Variants in RALYL observed in about 807,000 individuals in gnomAD.
The protein encoded by RALYL is RNA-binding Raly-like protein.
A neutral mutation model predicts 35.1 loss-of-function variants in RALYL; 29 were observed. The observed-to-expected ratio is 0.83, with a 90% CI of 0.61 to 1.13. The LOEUF is 1.13. Among genes scored for constraint, RALYL ranks in the 50% most tolerant of loss-of-function variants. The probability of loss-of-function intolerance (pLI) is 0.00; values close to 1 mark genes in which losing one functional copy is unlikely to be tolerated. For missense variants in RALYL, 359 were observed against 360.4 expected, an observed-to-expected ratio of 1.00 and a Z score of 0.03; for synonymous variants, 120 against 127.6, an observed-to-expected ratio of 0.94 and a Z score of 0.40.
At chr8:84,221,676 G>A (rs1246718760) in intron 1 of RALYL, among the ~76,000 whole-genome samples, 1 of 152,016 alleles carries the variant, frequency 6.6e-6, no homozygotes, top group Admixed American at 6.6e-5. Flanking sequence ...TAGATACTAG[G>A]AGTCCACGTG....
chr8:84,789,811 A>AATC (rs1428416457), intron 3 of RALYL, among the ~76,000 whole-genome samples: 1 of 152,184 alleles, frequency 6.6e-6, no homozygotes, highest in Non-Finnish European at 1.5e-5. Context: ...CATGAGCTGT[A>AATC]ATCACTCCAG....
chr8:84,430,757 TA>T (rs1333601290), intron 1 of RALYL, among the ~76,000 whole-genome samples: 1 of 152,108 alleles, frequency 6.6e-6, no homozygotes, highest in African/African-American at 2.4e-5. Context: ...AATATATGAA[TA>T]AAAATATGTA....
At chr8:84,726,451 T>TA (rs1213410863) in intron 2 of RALYL, among the ~76,000 whole-genome samples, 2 of 151,312 alleles carry the variant, frequency 1.3e-5, no homozygotes, top group Admixed American at 1.3e-4. Flanking sequence ...GTTGGTAGAC[T>TA]ATAACTAAAG....
At chr8:84,407,700 G>T (rs942897483) in intron 1 of RALYL, among the ~76,000 whole-genome samples, 5 of 151,958 alleles carry the variant, frequency 3.3e-5, no homozygotes, top group African/African-American at 1.2e-4. Flanking sequence ...ACAAGAAAAA[G>T]AAATTATAAA....
Position 84,326,242 on chromosome 8 carries a change from C to A in RALYL, c.-24+141818C>A, listed in dbSNP as rs1586305493. Among the ~76,000 whole-genome samples, 6 of 152,204 alleles carry A rather than the reference C, an allele frequency of 3.9e-5. No individual in the cohort carries two copies. The East Asian group carries it at 1.2e-3, about 29-fold the overall frequency. Reference sequence around the variant, plus strand: ...TATGTAATGTGTATGAATTACAATGCCAAAAATTTAATGAACATTCCACTT... The same window carrying A: ...TATGTAATGTGTATGAATTACAATGACAAAAATTTAATGAACATTCCACTT... On this transcript the variant is annotated intron_variant, in intron 1 of 8. Coordinates refer to ENST00000521268, the MANE Select transcript of RALYL (RefSeq NM_173848.7).
At chr8:84,315,732 A>G (rs1221143564) in intron 1 of RALYL, among the ~76,000 whole-genome samples, 1 of 152,044 alleles carries the variant, frequency 6.6e-6, no homozygotes, top group Non-Finnish European at 1.5e-5. Flanking sequence ...CCAAGTGCAT[A>G]GGAAAATCCA....
At chr8:84,862,810 G>A (rs1726468455) in intron 6 of RALYL, among the ~76,000 whole-genome samples, 1 of 152,134 alleles carries the variant, frequency 6.6e-6, no homozygotes, top group Admixed American at 6.5e-5. Flanking sequence ...TGCATAAACT[G>A]TCTTTTCAGA....
At chr8:84,339,297 A>C (rs1848357341) in intron 1 of RALYL, among the ~76,000 whole-genome samples, 1 of 152,060 alleles carries the variant, frequency 6.6e-6, no homozygotes, top group South Asian at 2.1e-4. Context: ...GGAGATGAGT[A>C]ACAGGCAAAC....
At chr8:84,333,213 G>T (rs2130741632) in intron 1 of RALYL, among the ~76,000 whole-genome samples, 1 of 152,184 alleles carries the variant, frequency 6.6e-6, no homozygotes, top group East Asian at 1.9e-4. Context: ...TTGTGCTAAT[G>T]TTGGACACCT....
chr8:84,673,616 A>C (rs766055158), intron 2 of RALYL, among the ~76,000 whole-genome samples: 22 of 152,172 alleles, frequency 1.4e-4, no homozygotes, highest in Non-Finnish European at 2.5e-4. Flanking sequence ...TTATCCCAGA[A>C]CAATTTATTG....
chr8:84,207,837 T>C (rs1489575056), intron 1 of RALYL, among the ~76,000 whole-genome samples: 2 of 144,866 alleles, frequency 1.4e-5, no homozygotes, highest in Non-Finnish European at 3.1e-5. Context: ...TATATATATA[T>C]ATAGAAACAT....
At chr8:84,908,923 G>A (rs868705144) in intron 8 of RALYL, among the ~76,000 whole-genome samples, 4 of 151,140 alleles carry the variant, frequency 2.6e-5, no homozygotes, top group Non-Finnish European at 5.9e-5. Context: ...CATGCAGATC[G>A]ACTTGTTATA....
chr8:84,764,909 T>G (rs1422556421), intron 2 of RALYL, among the ~76,000 whole-genome samples: 1 of 152,212 alleles, frequency 6.6e-6, no homozygotes, highest in East Asian at 1.9e-4. Flanking sequence ...GAAGATTGGC[T>G]CCAATCTCAG....
intron 1 of RALYL, among the ~76,000 whole-genome samples, chr8:84,496,504 C>A (rs866164962): frequency 1.3e-5 from 2 of 152,054 alleles, no homozygotes; most frequent in African/African-American, 4.8e-5. Context: ...ACAACCATGG[C>A]ATTATTGGCA....
intron 3 of RALYL, among the ~76,000 whole-genome samples, chr8:84,781,872 G>T (rs1818251764): frequency 6.6e-6 from 1 of 152,110 alleles, no homozygotes; most frequent in Admixed American, 6.5e-5. Flanking sequence ...TGTAGTAAAA[G>T]AAAATACTTG....
chr8:84,649,966 C>A (rs1418920526), intron 2 of RALYL, among the ~76,000 whole-genome samples: 1 of 151,802 alleles, frequency 6.6e-6, no homozygotes, highest in South Asian at 2.1e-4. Context: ...TTGAGCAGTG[C>A]TTTGTAGTTC....
intron 7 of RALYL, among the ~76,000 whole-genome samples, chr8:84,883,853 C>A (rs1842544976): frequency 6.6e-6 from 1 of 152,036 alleles, no homozygotes; most frequent in African/African-American, 2.4e-5. Flanking sequence ...AGATTCAACT[C>A]AAGAACTGTT....
intron 2 of RALYL, among the ~76,000 whole-genome samples, chr8:84,628,707 C>A (rs1278613256): frequency 1.3e-5 from 2 of 151,896 alleles, no homozygotes; most frequent in African/African-American, 2.4e-5. Context: ...AAGGAAACAC[C>A]AAGTAAGAAG....
intron 4 of RALYL, among the ~76,000 whole-genome samples, chr8:84,822,419 G>A (rs1828738594): frequency 6.6e-6 from 1 of 152,146 alleles, no homozygotes; most frequent in African/African-American, 2.4e-5. Context: ...GAAAGGATTT[G>A]ATAGCATTGC....
Sources: gnomAD v4.1 joint callset for allele counts (sites outside exome capture counted in the v4.1 genomes callset) on GRCh38, gnomAD v4.1.1 for gene constraint, MANE v1.5 for transcripts, NCBI Gene and HGNC (gene_info 2026-07-23, HGNC 2026-07-21) for gene names.